Variants in TNNI3K observed in about 807,000 individuals in gnomAD.
The protein encoded by TNNI3K is serine/threonine-protein kinase TNNI3K.
TNNI3K carries 140 observed loss-of-function variants against 114.5 expected under a neutral mutation model. That is an observed-to-expected ratio of 1.22 (90% CI 1.07 to 1.41). The LOEUF (loss-of-function observed/expected upper bound fraction) is 1.41. TNNI3K is among the 40% of genes most tolerant of loss of function. TNNI3K has a pLI of 0.00. For missense variants in TNNI3K, 1,125 were observed against 1,007.6 expected (o/e 1.12, Z -1.58); for synonymous variants, 347 against 347.5 (o/e 1.00, Z 0.02).
chr1:74,331,849 T>A (rs2100413683), intron 6 of TNNI3K, among the ~76,000 whole-genome samples: 1 of 152,248 alleles, frequency 6.6e-6, no homozygotes, highest in Non-Finnish European at 1.5e-5. Context: ...AGGTGTAGGT[T>A]ATGTAATCCC....
intron 19 of TNNI3K, 104 bp downstream of exon 19, chr1:74,436,630 A>G: frequency 8.1e-7 from 1 of 1,229,196 alleles, no homozygotes; most frequent in Non-Finnish European, 1.1e-6. Flanking sequence ...AAGAAATGTC[A>G]TTGTCTCAGT....
At chr1:74,450,779 A>G (rs1255093298) in intron 20 of TNNI3K, among the ~76,000 whole-genome samples, 2 of 152,216 alleles carry the variant, frequency 1.3e-5, no homozygotes, top group Non-Finnish European at 2.9e-5. Flanking sequence ...AGAAATAGGA[A>G]TGCTTTTACA....
At chr1:74,364,080 A>G (rs1662129841) in intron 11 of TNNI3K, among the ~76,000 whole-genome samples, 1 of 150,254 alleles carries the variant, frequency 6.7e-6, no homozygotes, top group South Asian at 2.1e-4. Context: ...GCTCACTACA[A>G]TCTTAAACTC....
chr1:74,527,570 G>A (rs1333333192), intron 23 of TNNI3K, among the ~76,000 whole-genome samples: 2 of 152,190 alleles, frequency 1.3e-5, no homozygotes, highest in African/African-American at 4.8e-5. Context: ...AGGGAGGGGA[G>A]ACAGGGCAGA....
chr1:74,281,870 T>C (rs10890121), intron 5 of TNNI3K, among the ~76,000 whole-genome samples: 107,936 of 151,996 alleles, frequency 0.71, 39,179 homozygotes, highest in East Asian at 0.88. Context: ...TTCCAATATA[T>C]GGTGATAATT....
At chr1:74,360,854 T>A (rs1431204740) in intron 11 of TNNI3K, among the ~76,000 whole-genome samples, 1 of 152,118 alleles carries the variant, frequency 6.6e-6, no homozygotes, top group Non-Finnish European at 1.5e-5. Flanking sequence ...ACTGAAACAC[T>A]CTCTTCTCTT....
chr1:74,340,820 A>G (rs1028372955), intron 7 of TNNI3K, among the ~76,000 whole-genome samples: 19 of 152,192 alleles, frequency 1.2e-4, no homozygotes, highest in African/African-American at 4.6e-4. Flanking sequence ...CTGGCTTAGA[A>G]CAGCATGTGA....
At chr1:74,381,088 A>G (rs1269487412) in intron 17 of TNNI3K, among the ~76,000 whole-genome samples, 5 of 152,290 alleles carry the variant, frequency 3.3e-5, no homozygotes, top group Admixed American at 2.0e-4. Flanking sequence ...CTATTTCAAA[A>G]TCCTCCCTAT....
At chr1:74,312,569 A>G (rs1159614322) in intron 5 of TNNI3K, among the ~76,000 whole-genome samples, 8 of 152,132 alleles carry the variant, frequency 5.3e-5, no homozygotes, top group African/African-American at 1.9e-4. Flanking sequence ...TAATCAAAAT[A>G]AACACAAAGC....
At chr1:74,295,698 C>A (rs1010428920) in intron 5 of TNNI3K, among the ~76,000 whole-genome samples, 12 of 152,182 alleles carry the variant, frequency 7.9e-5, no homozygotes, top group Non-Finnish European at 1.6e-4. Flanking sequence ...GTTTGCATGA[C>A]ATTTTTCTTT....
intron 5 of TNNI3K, among the ~76,000 whole-genome samples, chr1:74,295,656 A>G (rs1190120481): frequency 1.3e-5 from 2 of 152,096 alleles, no homozygotes; most frequent in African/African-American, 4.8e-5. Context: ...ATCTTTTAGC[A>G]ATATCACTAT....
intron 17 of TNNI3K, among the ~76,000 whole-genome samples, chr1:74,411,617 G>A (rs181260156): frequency 3.3e-5 from 5 of 151,454 alleles, no homozygotes; most frequent in Admixed American, 2.0e-4. Context: ...TTTTTTGATT[G>A]CCTACTATGT....
intron 17 of TNNI3K, among the ~76,000 whole-genome samples, chr1:74,419,387 A>T (rs1020646229): frequency 1.3e-5 from 2 of 152,148 alleles, no homozygotes; most frequent in African/African-American, 4.8e-5. Flanking sequence ...TCCAAATAAG[A>T]TAATATTCAC....
In TNNI3K at chr1:74,423,311, C is replaced by T. The variant is rs78310520; in HGVS notation, c.1773-12769C>T. 1.5e-3 allele frequency among the ~76,000 whole-genome samples: 225 copies of T among 152,082 alleles called. 1 individual carries two copies. Among genetic ancestry groups the T allele is most frequent in the African/African-American group, 5.0e-3 (209 of 41,504 alleles). ...CATACTTTCTGTAGCTTATAGACTG[C>T]GCTCTTCTAACACTCATTCTCCTTA... is the stretch of plus-strand genomic sequence containing the variant. On this transcript the variant is annotated intron_variant, in intron 17 of 24. Transcript: ENST00000326637.
At chr1:74,444,097 CA>C (rs1429412103) in intron 20 of TNNI3K, among the ~76,000 whole-genome samples, 1 of 152,172 alleles carries the variant, frequency 6.6e-6, no homozygotes, top group Non-Finnish European at 1.5e-5. Context: ...TGAAAACTGG[CA>C]CAAGACAAGG....
chr1:74,534,058 A>C (rs1646628420), intron 23 of TNNI3K, among the ~76,000 whole-genome samples: 1 of 152,150 alleles, frequency 6.6e-6, no homozygotes, highest in Non-Finnish European at 1.5e-5. Flanking sequence ...CAGACACCCC[A>C]CAGGGGTTTT....
Position 74,510,315 on chromosome 1 carries a change from G to A in TNNI3K, c.2351+18049G>A, listed in dbSNP as rs1670121657. ...AGGTCAGGAGATCGAGACCATCCTG[G>A]CTAACATGGTGAAGCCCCGTCTCTA... On this transcript the variant is annotated intron_variant, in intron 23 of 24. Transcript: ENST00000326637. Among the ~76,000 whole-genome samples, 3 of 152,164 alleles carry A rather than the reference G, an allele frequency of 2.0e-5. No individual in the cohort carries two copies. The South Asian group carries it at 6.2e-4, about 32-fold the overall frequency.
At chr1:74,317,623 A>G (rs1348177623) in intron 5 of TNNI3K, among the ~76,000 whole-genome samples, 1 of 152,218 alleles carries the variant, frequency 6.6e-6, no homozygotes, top group African/African-American at 2.4e-5. Flanking sequence ...GCCAGGGACC[A>G]GGTGACTAGG....
rs529092779 is a variant in TNNI3K at position 74,427,257 on chromosome 1, G to T, written c.1773-8823G>T. Among the ~76,000 whole-genome samples, 110 of 151,680 alleles carry T rather than the reference G, an allele frequency of 7.3e-4. 1 individual carries two copies. The highest frequency in any genetic ancestry group is 1.2e-3 in the Non-Finnish European group (82 of 67,932). ...TCAAAACTGAATATTCAGAAAGGTG[G>T]CTAGGAAGCAGTATTTATGTAATAG... is the stretch of plus-strand genomic sequence containing the variant. On this transcript the variant is annotated intron_variant, in intron 17 of 24. Transcript: ENST00000326637.
Sources: gnomAD v4.1 joint callset for allele counts (sites outside exome capture counted in the v4.1 genomes callset) on GRCh38, gnomAD v4.1.1 for gene constraint, MANE v1.5 for transcripts, NCBI Gene and HGNC (gene_info 2026-07-23, HGNC 2026-07-21) for gene names.